DDX54: variants seen among roughly 807,000 people sequenced by gnomAD.
DDX54 encodes ATP-dependent RNA helicase DDX54.
Under a neutral mutation model 105.5 loss-of-function variants are expected in DDX54, and 67 were observed. That is an observed-to-expected ratio of 0.64 (90% confidence interval 0.52 to 0.78). DDX54 has a LOEUF of 0.78. Ranked by LOEUF, DDX54 falls within the 30% of genes least tolerant of loss-of-function variation. The pLI is 0.00. For synonymous variants in DDX54, 514 were observed against 509.9 expected (o/e 1.01, Z -0.11); for missense variants, 1,206 against 1,230.5 (o/e 0.98, Z 0.30).
chr12:113,180,083 G>A, intron 2 of DDX54, 78 bp from the exon 3 acceptor site: 1 of 1,330,904 alleles, frequency 7.5e-7, no homozygotes, highest in Non-Finnish European at 1.1e-6. Flanking sequence ...CAGGACAAAT[G>A]ACAGCTTCAT....
Position 113,185,342 on chromosome 12 carries a change from C to T in DDX54, c.110G>A (p.Arg37His), listed in dbSNP as rs1444917019. 9 of 1,586,058 alleles carry T rather than the reference C, an allele frequency of 5.7e-6. No individual in the cohort carries two copies. Among genetic ancestry groups the T allele is most frequent in the Non-Finnish European group, 7.7e-6 (9 of 1,169,580 alleles). Reference protein sequence around the residue: ...RKRRGAASQARGSDSEDGEFE... With the variant: ...RKRRGAASQAHGSDSEDGEFE... ...CTCGCCGTCCTCCGAGTCGCTGCCG[C>T]GGGCCTGGGAGGCCGCGCCTCGGCG... Residue 37 changes from arginine to histidine, a missense_variant, in exon 1 of 20, where the codon CGC becomes CAC. Transcript: ENST00000306014.
chr12:113,181,082 G>T (rs999941004), intron 1 of DDX54, 24 bp from the exon 2 acceptor site: 5 of 1,605,818 alleles, frequency 3.1e-6, no homozygotes, highest in Non-Finnish European at 4.2e-6. Flanking sequence ...ACAGAGAGGT[G>T]GTGTCACTCC....
At chr12:113,162,080 C>T (rs1952215532) in intron 17 of DDX54, 83 bp from the exon 18 acceptor site, 3 of 1,279,196 alleles carry the variant, frequency 2.3e-6, no homozygotes, top group African/African-American at 1.5e-5. Context: ...TCTCCTCACC[C>T]GACCCTCTTG....
chr12:113,162,584 A>G, intron 17 of DDX54: 1 of 324,310 alleles, frequency 3.1e-6, no homozygotes. Flanking sequence ...AGGGCAGCTC[A>G]CTCGATCACT....
chr12:113,171,783 T>C (rs1387718443), intron 11 of DDX54, among the ~76,000 whole-genome samples: 1 of 152,146 alleles, frequency 6.6e-6, no homozygotes, highest in Non-Finnish European at 1.5e-5. Context: ...GACGGCCATG[T>C]CATCAGAGAG....
chr12:113,179,424 A>G lies in DDX54; in HGVS notation c.376-93T>C, dbSNP rs1952440579. 6 of 1,396,284 alleles carry G rather than the reference A, an allele frequency of 4.3e-6. No individual in the cohort carries two copies. In the South Asian group the frequency reaches 5.3e-5, roughly 12 times the overall value. 86.5% of individuals were successfully genotyped at this position (1,396,284 alleles called of 1,614,324 possible). A position where few individuals can be genotyped will look rare whatever the true frequency, so the allele number is the denominator to read the frequency against. On this transcript the variant is annotated intron_variant, in intron 3 of 19. Transcript: ENST00000306014. ...AGGCCCTGAGGAGTGGGCATGCTAT[A>G]GATCTCAGTGAATGGGCAGGCACCC...
At chr12:113,175,405 G>A (rs1413514756) in intron 7 of DDX54, among the ~76,000 whole-genome samples, 1 of 152,226 alleles carries the variant, frequency 6.6e-6, no homozygotes, top group Non-Finnish European at 1.5e-5. Context: ...GGCTGCAGAG[G>A]CTCACACCTG....
At position 113,163,424 on chromosome 12, in the gene DDX54, GAC is replaced by G; in HGVS notation, c.1939-152_1939-151del. ...TCATTTTGCCATTTCTTAGCTGGGT[GAC>G]AGTGTCTCCTGTGGGACCCTCAGTT... On this transcript the variant is annotated intron_variant, in intron 15 of 19. Transcript: ENST00000306014. This position sits in a 1 kb window ranked among gnomAD's most constrained non-coding sequence, Gnocchi z 5.9. The G allele has an allele frequency of 8.3e-7, 1 of 1,210,896 alleles. No homozygotes were observed. The highest frequency in any genetic ancestry group is 1.1e-6 in the Non-Finnish European group (1 of 891,842). 75.0% of individuals were successfully genotyped at this position (1,210,896 alleles called of 1,614,324 possible).
chr12:113,185,467 G>T lies in DDX54; in HGVS notation c.-16C>A. The T allele has an allele frequency of 5.4e-6, 8 of 1,493,598 alleles. No individual in the cohort carries two copies. Among genetic ancestry groups the T allele is most frequent in the Non-Finnish European group, 7.1e-6 (8 of 1,125,702 alleles). The allele number at this position is 1,493,598 out of a possible 1,614,324, so 92.5% of individuals were successfully genotyped here. The stretch of plus-strand genomic sequence containing the variant: ...CGGCCGCCATTCGGGCCGCGCGCTG[G>T]GAACGCAGAAGGGGGCGTGGCCTGA... On this transcript the variant is annotated 5_prime_UTR_variant, in exon 1 of 20. Transcript: ENST00000306014.
chr12:113,179,324 G>T lies in DDX54; in HGVS notation c.383C>A (p.Pro128Gln). 6.2e-7 allele frequency: 1 copy of T among 1,612,812 alleles called. No individual in the cohort carries two copies. The highest frequency in any genetic ancestry group is 8.5e-7 in the Non-Finnish European group (1 of 1,179,972). The change falls in exon 4 of 20, where the codon CCG (proline) becomes CAG (glutamine). Residue 128 changes from proline (P) to glutamine (Q), a missense_variant. Physicochemically the swap from Pro to Gln is moderately conservative, Grantham distance 76. Coordinates refer to ENST00000306014, the MANE Select transcript of DDX54 (RefSeq NM_024072.4). ...CACGTCCTTGCCATCCAAGATCACC[G>T]GGATGGTCTGGAGAGGCACAAGCAG... is the stretch of plus-strand genomic sequence containing the variant. ...VPTPIQRKTI[P>Q]VILDGKDVVA...
At chr12:113,172,741 G>C (rs545827990) in intron 10 of DDX54, among the ~76,000 whole-genome samples, 178 bp from the exon 11 acceptor site, 1 of 152,312 alleles carries the variant, frequency 6.6e-6, no homozygotes, top group East Asian at 1.9e-4. Context: ...GGGAGGAATG[G>C]AGCTTACAAC....
At chr12:113,184,967 A>AG (rs1952510236) in intron 1 of DDX54, among the ~76,000 whole-genome samples, 1 of 152,118 alleles carries the variant, frequency 6.6e-6, no homozygotes, top group Non-Finnish European at 1.5e-5. Context: ...CGCACTTTTC[A>AG]TTGGGCGAAA....
intron 13 of DDX54, 37 bp from the exon 14 acceptor site, chr12:113,165,754 G>A: frequency 6.2e-7 from 1 of 1,605,906 alleles, no homozygotes; most frequent in Non-Finnish European, 8.5e-7. Context: ...GCTGTGGGTG[G>A]GGTCAGCAAG....
Position 113,179,210 on chromosome 12 carries a change from C to T in DDX54, c.497G>A (p.Gly166Glu). 1 of 1,614,118 alleles carries T rather than the reference C, an allele frequency of 6.2e-7. No individual in the cohort carries two copies. The highest frequency in any genetic ancestry group is 1.1e-5 in the South Asian group (1 of 91,084). The change falls in exon 4 of 20, where the codon GGG (glycine) becomes GAG (glutamate). Residue 166 changes from glycine (G) to glutamate (E), a missense_variant. Physicochemically the swap from Gly to Glu is moderately conservative, Grantham distance 98. Transcript: ENST00000306014. ...CGGCGAGAGGATGAGGGCGCGGGCCCCGGTCTGGGCACTGTGGGTCTTGAG... is the reference window on the plus strand; with the variant it reads ...CGGCGAGAGGATGAGGGCGCGGGCCTCGGTCTGGGCACTGTGGGTCTTGAG... ...ERLKTHSAQT[G>E]ARALILSPTR...
chr12:113,162,021 G>A, intron 17 of DDX54, 24 bp from the exon 18 acceptor site: 1 of 1,608,930 alleles, frequency 6.2e-7, no homozygotes, highest in Non-Finnish European at 8.5e-7. Flanking sequence ...AGTTGGGACG[G>A]CTGCCGTGGA....
intron 1 of DDX54, among the ~76,000 whole-genome samples, chr12:113,183,400 T>C (rs951810704): frequency 6.6e-5 from 10 of 152,264 alleles, no homozygotes; most frequent in Non-Finnish European, 1.0e-4. Context: ...TCTACATTTG[T>C]TGAGCACCTA....
chr12:113,171,878 T>A (rs893152862), intron 11 of DDX54, among the ~76,000 whole-genome samples: 4 of 151,990 alleles, frequency 2.6e-5, no homozygotes, highest in African/African-American at 9.7e-5. Context: ...CCAATAGCCG[T>A]CAAAAACACA....
Position 113,163,385 on chromosome 12 carries a change from G to T in DDX54, c.1939-111C>A. 1.4e-6 allele frequency: 2 copies of T among 1,460,020 alleles called. No homozygotes were observed. The highest frequency in any genetic ancestry group is 1.8e-6 in the Non-Finnish European group (2 of 1,102,368). The allele number at this position is 1,460,020 out of a possible 1,614,324, so 90.4% of individuals were successfully genotyped here. Reference sequence around the variant, plus strand: ...CAGTGAGGGGCCAGTGGCTTCTCGGGGACTTTCAAAGCTTCATTTTGCCAT... The same window carrying T: ...CAGTGAGGGGCCAGTGGCTTCTCGGTGACTTTCAAAGCTTCATTTTGCCAT... On this transcript the variant is annotated intron_variant, in intron 15 of 19. Coordinates refer to ENST00000306014, the MANE Select transcript of DDX54 (RefSeq NM_024072.4). This position sits in a 1 kb window ranked among gnomAD's most constrained non-coding sequence, Gnocchi z 5.9.
intron 18 of DDX54, 77 bp downstream of exon 18, chr12:113,161,816 C>T: frequency 1.8e-6 from 1 of 557,010 alleles, no homozygotes; most frequent in South Asian, 2.0e-5. Context: ...CCCCCGCCCC[C>T]AGGTTCCACT....
Sources: gnomAD v4.1 joint callset for allele counts (sites outside exome capture counted in the v4.1 genomes callset) on GRCh38, gnomAD v4.1.1 for gene constraint, Gnocchi (gnomAD v3.1) non-coding constraint, MANE v1.5 for transcripts, NCBI Gene and HGNC (gene_info 2026-07-23, HGNC 2026-07-21) for gene names.